Variants in TCP11X2 observed in about 807,000 individuals in gnomAD.
TCP11X2 encodes t-complex 11 family, X-linked 2.
A neutral mutation model predicts 16.0 loss-of-function variants in TCP11X2; 1 was observed. That is an observed-to-expected ratio of 0.06 (90% CI 0.02 to 0.30). The LOEUF is 0.30. Among genes scored for constraint, TCP11X2 ranks in the 10% least tolerant of loss-of-function variants. The pLI, the probability that TCP11X2 is intolerant of heterozygous loss-of-function variation, is 1.00. For missense variants in TCP11X2, 13 were observed against 184.6 expected, an observed-to-expected ratio of 0.07 and a Z score of 5.39; for synonymous variants, 2 against 72.2, an observed-to-expected ratio of 0.03 and a Z score of 4.93.
exon 7 of TCP11X2, chrX:102,463,182 T>C (rs1306556605): frequency 8.6e-7 from 1 of 1,167,963 alleles, no homozygotes; most frequent in African/African-American, 1.8e-5. Flanking sequence ...AGCCTTGGTA[T>C]AGCACCATTG....
At chrX:102,463,224 C>G in exon 7 of TCP11X2, 1 of 1,166,973 alleles carries the variant, frequency 8.6e-7, no homozygotes, top group South Asian at 1.9e-5. Flanking sequence ...TGTTACCTGC[C>G]CCGCTTGGAA....
chrX:102,463,597 T>TG lies in TCP11X2; in HGVS notation c.703dup (p.Gln235ProfsTer28), dbSNP rs1271875829. 94 of 1,103,421 alleles carry TG rather than the reference T, an allele frequency of 8.5e-5. No homozygotes were observed. The highest frequency in any genetic ancestry group is 4.2e-4 in the Admixed American group (11 of 26,452). 90.9% of individuals were successfully genotyped at this position (1,103,421 alleles called of 1,213,427 possible). ...CCCTTGAATTTTAAACATACTGGGCTGTTTATCAAGGAGTTCCTGGAATTT... is the reference window on the plus strand; with the variant it reads ...CCCTTGAATTTTAAACATACTGGGCTGGTTTATCAAGGAGTTCCTGGAATTT... On this transcript the variant is annotated frameshift_variant, in exon 6 of 10. Transcript: ENST00000642911. LOFTEE classifies it high-confidence loss of function.
In TCP11X2 at chrX:102,463,198, C is replaced by A. The variant is rs1423409094; in HGVS notation, c.857G>T (p.Ser286Ile). The change falls in exon 7 of 10, where the codon AGT (serine) becomes ATT (isoleucine). Residue 286 changes from serine to isoleucine, a missense_variant. Transcript: ENST00000642911. Reference sequence around the variant, plus strand: ...GCCTTGGTATAGCACCATTGTTGGACTGGGGGGCTCTGAATTGTTACCTGC... The same window carrying A: ...GCCTTGGTATAGCACCATTGTTGGAATGGGGGGCTCTGAATTGTTACCTGC... 48 of 1,167,092 alleles carry A rather than the reference C, an allele frequency of 4.1e-5. No homozygotes were observed. The African/African-American group carries it at 7.4e-4, about 18-fold the overall frequency.
intron 5 of TCP11X2, 36 bp from the exon 6 acceptor site, chrX:102,463,764 A>AG (rs1934592580): frequency 1.4e-6 from 1 of 694,828 alleles, no homozygotes; most frequent in Non-Finnish European, 2.0e-6. Context: ...TACACTATTA[A>AG]AGGAAATCTA....
intron 5 of TCP11X2, 130 bp from the exon 6 acceptor site, chrX:102,463,858 A>AT (rs1376359117): frequency 1.2e-5 from 4 of 342,900 alleles, no homozygotes; most frequent in Admixed American, 1.2e-4. Flanking sequence ...AAACAGTCCT[A>AT]TTTCAACTTA....
At position 102,466,422 on chromosome X, in the gene TCP11X2, A is replaced by AAAAAT. The variant is rs1158082257; in HGVS notation, c.231-854_231-853insATTTT. Among the ~76,000 whole-genome samples the AAAAAT allele has an allele frequency of 6.5e-4, 8 of 12,329 alleles. 1 individual carries two copies. Among genetic ancestry groups the AAAAAT allele is most frequent in the East Asian group, 7.4e-3 (2 of 271 alleles). 10.7% of individuals were successfully genotyped at this position (12,329 alleles called of 115,157 possible). A position where few individuals can be genotyped will look rare whatever the true frequency, so the allele number is the denominator to read the frequency against. On this transcript the variant is annotated intron_variant, in intron 3 of 9. Coordinates refer to ENST00000642911, the Ensembl canonical transcript of TCP11X2. ...AAAAAAAAAAAAAAAAAAAAAAAAA[A>AAAAAT]ATATATATATATATATATATGTATA...
chrX:102,466,422 A>AAT (rs1556397238), intron 3 of TCP11X2, among the ~76,000 whole-genome samples: 4,109 of 11,953 alleles, frequency 0.34, 1,172 homozygotes, highest in Non-Finnish European at 0.45. Context: ...AAAAAAAAAA[A>AAT]ATATATATAT....
At chrX:102,460,875 G>A in intron 9 of TCP11X2, 130 bp from the exon 10 acceptor site, 1 of 484,820 alleles carries the variant, frequency 2.1e-6, no homozygotes, top group Middle Eastern at 4.5e-4. Flanking sequence ...TGCTCATTTG[G>A]GTAAACCGTA....
Position 102,463,352 on chromosome X carries a change from C to T in TCP11X2, c.710-7G>A, listed in dbSNP as rs201052141. On this transcript the variant is annotated splice_region_variant and splice_polypyrimidine_tract_variant and intron_variant, in intron 6 of 9. Coordinates refer to ENST00000642911, the Ensembl canonical transcript of TCP11X2. ...GTGGTATAATCGAGGAGACCTACGA[C>T]GAGAAGGGAATATGCATCTTAAAAT... The T allele has an allele frequency of 0.1, 105,893 of 1,061,933 alleles. 26 individuals carry two copies. The highest frequency in any genetic ancestry group is 0.44 in the East Asian group (9,603 of 21,980). 87.5% of individuals were successfully genotyped at this position (1,061,933 alleles called of 1,213,427 possible).
intron 6 of TCP11X2, 97 bp from the exon 7 acceptor site, chrX:102,463,442 T>C: frequency 1.1e-6 from 1 of 949,220 alleles, no homozygotes; most frequent in South Asian, 2.1e-5. Flanking sequence ...ATTTTGTAGA[T>C]CTTTCTATCT....
chrX:102,463,258 G>A (rs1934583736), exon 7 of TCP11X2: 1 of 1,166,178 alleles, frequency 8.6e-7, no homozygotes, highest in Non-Finnish European at 1.1e-6. Context: ...GCTGCAGGAG[G>A]AGCTAGGTGA....
At position 102,463,325 on chromosome X, in the gene TCP11X2, TTGTGGTATAA is replaced by T. The variant is rs1481268744; in HGVS notation, c.720_729del (p.Asp240GlufsTer4). 8.6e-7 allele frequency: 1 copy of T among 1,165,153 alleles called. No individual in the cohort carries two copies. The highest frequency in any genetic ancestry group is 1.8e-5 in the African/African-American group (1 of 56,215). ...TCTGTGGCTGCTTTGGTTAGCCATT[TTGTGGTATAA>T]TCGAGGAGACCTACGACGAGAAGGG... On this transcript the variant is annotated frameshift_variant, in exon 7 of 10. Coordinates refer to ENST00000642911, the Ensembl canonical transcript of TCP11X2. LOFTEE classifies it high-confidence loss of function.
intron 3 of TCP11X2, among the ~76,000 whole-genome samples, chrX:102,466,591 T>A (rs1295010619): frequency 5.3e-3 from 24 of 4,536 alleles, no homozygotes; most frequent in African/African-American, 9.6e-3. Context: ...AACACAACAA[T>A]CTAACCTGTG....
chrX:102,466,435 A>ATATG (rs1934605320), intron 3 of TCP11X2, among the ~76,000 whole-genome samples: 1 of 31,657 alleles, frequency 3.2e-5, no homozygotes, highest in East Asian at 7.3e-4. Flanking sequence ...ATATATATAT[A>ATATG]TATATATGTA....
At chrX:102,466,443 GTATATACACACACACACA>G (rs1318331528) in intron 3 of TCP11X2, among the ~76,000 whole-genome samples, 1 of 15,885 alleles carries the variant, frequency 6.3e-5, no homozygotes, top group East Asian at 3.5e-3. Context: ...ATATATATAT[GTATATACACACACACACA>G]TATATACACA....
chrX:102,463,137 T>A (rs1934580817), exon 7 of TCP11X2: 2 of 1,168,241 alleles, frequency 1.7e-6, no homozygotes, highest in Non-Finnish European at 1.1e-6. Flanking sequence ...CTGGGAATTC[T>A]ACGTTTTCAA....
At chrX:102,463,594 G>GAATTTA (rs1934589246) in exon 6 of TCP11X2, 1 of 1,102,763 alleles carries the variant, frequency 9.1e-7, no homozygotes, top group Admixed American at 3.8e-5. Context: ...AAACATACTG[G>GAATTTA]GCTGTTTATC....
chrX:102,466,422 A>AAAAAAAAATAT (rs1158082257), intron 3 of TCP11X2, among the ~76,000 whole-genome samples: 2 of 12,333 alleles, frequency 1.6e-4, no homozygotes, highest in Non-Finnish European at 2.1e-4. Flanking sequence ...AAAAAAAAAA[A>AAAAAAAAATAT]ATATATATAT....
intron 3 of TCP11X2, among the ~76,000 whole-genome samples, chrX:102,466,290 G>A (rs1411029641): frequency 2.1e-4 from 1 of 4,809 alleles, no homozygotes; most frequent in African/African-American, 3.6e-4. Context: ...CAGCTACTCC[G>A]GAGGTTGAGG....
Sources: allele counts gnomAD v4.1 joint callset (sites outside exome capture counted in the v4.1 genomes callset), GRCh38; gene constraint gnomAD v4.1.1; transcripts MANE v1.5; gene names NCBI Gene and HGNC (gene_info 2026-07-23, HGNC 2026-07-21).